ANKRD30B: variants seen among roughly 807,000 people sequenced by gnomAD.
The protein encoded by ANKRD30B is ankyrin repeat domain 30B, also known as ankyrin repeat domain-containing protein 30B.
Under a neutral mutation model 202.2 loss-of-function variants are expected in ANKRD30B, and 144 were observed. The observed-to-expected ratio is 0.71, with a 90% CI of 0.62 to 0.82. ANKRD30B has a LOEUF of 0.82. Ranked by LOEUF, ANKRD30B falls within the 40% of genes least tolerant of loss-of-function variation. The pLI, the probability that ANKRD30B is intolerant of heterozygous loss-of-function variation, is 0.00. For missense variants in ANKRD30B, 1,487 were observed against 1,669.1 expected (o/e 0.89, Z 1.90); for synonymous variants, 508 against 561.3 (o/e 0.91, Z 1.34).
At chr18:14,805,928 T>G (rs1969481404) in intron 24 of ANKRD30B, among the ~76,000 whole-genome samples, 1 of 150,436 alleles carries the variant, frequency 6.6e-6, no homozygotes, top group South Asian at 2.1e-4. Flanking sequence ...TTCATTTATT[T>G]AAAGATTTCA....
chr18:14,780,043 A>T, intron 11 of ANKRD30B, 22 bp downstream of exon 11: 1 of 1,568,530 alleles, frequency 6.4e-7, no homozygotes, highest in Non-Finnish European at 8.7e-7. Context: ...TATTGCTGTT[A>T]TTATTCTCTA....
At chr18:14,917,568 G>A in the ANKRD30B span, among the ~76,000 whole-genome samples, 1 of 152,180 alleles carries the variant, frequency 6.6e-6, no homozygotes, top group Non-Finnish European at 1.5e-5. Flanking sequence ...TAAATCAGGT[G>A]GGGGAGAAAA....
chr18:14,816,417 A>G (rs1970106702), intron 30 of ANKRD30B: 1 of 152,092 alleles, frequency 6.6e-6, no homozygotes, highest in South Asian at 2.1e-4. Context: ...AGGCAGAGGC[A>G]TGCGGATCAC....
intron 30 of ANKRD30B, among the ~76,000 whole-genome samples, chr18:14,820,442 G>A (rs1007987562): frequency 1.4e-4 from 21 of 152,158 alleles, no homozygotes; most frequent in African/African-American, 4.8e-4. Context: ...TATTGTGCCA[G>A]TTTTCAAAGG....
intron 28 of ANKRD30B, among the ~76,000 whole-genome samples, chr18:14,811,401 C>T (rs1969914612): frequency 6.6e-6 from 1 of 150,826 alleles, no homozygotes; most frequent in Non-Finnish European, 1.5e-5. Context: ...TTAGTAGAAA[C>T]GGGGTTTCAC....
rs539148380 is a variant in ANKRD30B, at chr18:14,759,574, C to T, written c.756-980C>T. ...TTCCACAGCAGCTGGAAATGAACAT[C>T]GTGACTTAAGCATCATTCTAACAAA... is the stretch of plus-strand genomic sequence containing the variant. On this transcript the variant is annotated intron_variant, in intron 5 of 43. Coordinates refer to ENST00000690538, the MANE Select transcript of ANKRD30B (RefSeq NM_001367607.2). Among the ~76,000 whole-genome samples the T allele has an allele frequency of 2.4e-4, 37 of 152,228 alleles. No homozygotes were observed. The East Asian group carries it at 3.7e-3, about 15-fold the overall frequency.
At chr18:14,875,209 T>G in the ANKRD30B span, among the ~76,000 whole-genome samples, 1 of 152,140 alleles carries the variant, frequency 6.6e-6, no homozygotes, top group Non-Finnish European at 1.5e-5. Context: ...CAAGCAGAGC[T>G]AAGCGATTTT....
At chr18:14,882,989 CA>C in the ANKRD30B span, among the ~76,000 whole-genome samples, 1 of 152,176 alleles carries the variant, frequency 6.6e-6, no homozygotes, top group African/African-American at 2.4e-5. Context: ...CATTCTGATG[CA>C]AAAACAATTG....
At chr18:14,895,486 T>C in the ANKRD30B span, among the ~76,000 whole-genome samples, 1 of 152,200 alleles carries the variant, frequency 6.6e-6, no homozygotes, top group South Asian at 2.1e-4. Flanking sequence ...TCTTAAAAAC[T>C]GAATATGCTA....
chr18:14,755,373 C>T (rs1216679706), intron 4 of ANKRD30B, among the ~76,000 whole-genome samples: 1 of 149,934 alleles, frequency 6.7e-6, no homozygotes, highest in South Asian at 2.1e-4. Flanking sequence ...TCTAACTTCT[C>T]TTTTTTATAC....
chr18:14,749,260 A>G (rs1913014790), intron 1 of ANKRD30B, among the ~76,000 whole-genome samples: 1 of 152,244 alleles, frequency 6.6e-6, no homozygotes, highest in Non-Finnish European at 1.5e-5. Flanking sequence ...AAATAAAGCT[A>G]TTAACGTTTT....
At chr18:14,926,800 G>A in the ANKRD30B span, among the ~76,000 whole-genome samples, 1 of 152,078 alleles carries the variant, frequency 6.6e-6, no homozygotes, top group Non-Finnish European at 1.5e-5. Context: ...AGTGGCGCGA[G>A]CCTATAGTCT....
chr18:14,848,929 G>A lies in ANKRD30B; in HGVS notation c.3395G>A (p.Arg1132Lys), dbSNP rs1208065054. The A allele has an allele frequency of 2.6e-6, 4 of 1,538,082 alleles. No homozygotes were observed. The highest frequency in any genetic ancestry group is 3.5e-6 in the Non-Finnish European group (4 of 1,149,480). Reference protein sequence around the residue: ...AKWEQELCSVRLTLNQEEEKR... With the variant: ...AKWEQELCSVKLTLNQEEEKR... ...TGGGAACAAGAGCTCTGCAGTGTGA[G>A]GTATGACATCCTAGTTTTAAATAAA... is the stretch of plus-strand genomic sequence containing the variant. The change falls in exon 40 of 44, where the codon AGA becomes AAA. Residue 1132 changes from arginine (R) to lysine (K), a missense_variant and splice_region_variant. Arg to Lys is a conservative substitution (Grantham distance 26, BLOSUM62 2). Around this residue, in one of 6 missense-constraint regions of ANKRD30B, gnomAD observed 177 missense variants for 216.4 expected, o/e 0.82. Coordinates refer to ENST00000690538, the MANE Select transcript of ANKRD30B (RefSeq NM_001367607.2).
Position 14,780,008 on chromosome 18 carries a change from C to A in ANKRD30B, c.1469C>A (p.Ser490Tyr). Reference sequence around the variant, plus strand: ...AAACGAGAGGAAGATGAAGAATATTCTTGGGATTCTGGGGTATTGTGTATT... The same window carrying A: ...AAACGAGAGGAAGATGAAGAATATTATTGGGATTCTGGGGTATTGTGTATT... The part of the protein sequence containing the change: ...ESKREEDEEY[S>Y]WDSGSLFESS... The change falls in exon 11 of 44, where the codon TCT (serine) becomes TAT (tyrosine). Residue 490 changes from serine to tyrosine, a missense_variant. Physicochemically the swap from Ser to Tyr is moderately radical, Grantham distance 144. This residue lies in a region of ANKRD30B where 889 missense variants were observed against 841.4 expected (regional missense o/e 1.06). Coordinates refer to ENST00000690538, the MANE Select transcript of ANKRD30B (RefSeq NM_001367607.2). 1 of 1,605,012 alleles carries A rather than the reference C, an allele frequency of 6.2e-7. No homozygotes were observed.
chr18:14,913,374 G>A, the ANKRD30B span, among the ~76,000 whole-genome samples: 1 of 152,192 alleles, frequency 6.6e-6, no homozygotes, highest in African/African-American at 2.4e-5. Context: ...AAGGAGGCTG[G>A]TTTGGGGAGA....
intron 26 of ANKRD30B, among the ~76,000 whole-genome samples, chr18:14,808,992 TG>T (rs1235596736): frequency 6.6e-6 from 1 of 150,872 alleles, no homozygotes; most frequent in Non-Finnish European, 1.5e-5. Flanking sequence ...AATGGGGCCT[TG>T]TCTTTGTTCC....
chr18:14,823,700 ATGGTGG>A (rs1970550709), intron 32 of ANKRD30B, among the ~76,000 whole-genome samples: 3 of 152,252 alleles, frequency 2.0e-5, no homozygotes, highest in Admixed American at 2.0e-4. Context: ...CAGGCTGTGC[ATGGTGG>A]CACATGCCTG....
chr18:14,796,552 G>C, intron 18 of ANKRD30B, 137 bp downstream of exon 18: 1 of 1,166,220 alleles, frequency 8.6e-7, no homozygotes. Context: ...GCCAATGTTA[G>C]CATTTATGTT....
At chr18:14,808,180 A>G (rs1355356164) in intron 24 of ANKRD30B, among the ~76,000 whole-genome samples, 1 of 150,406 alleles carries the variant, frequency 6.6e-6, no homozygotes, top group East Asian at 1.9e-4. Flanking sequence ...ACCATTACCT[A>G]GGACTTATTT....
Sources: gnomAD v4.1 joint callset for allele counts (sites outside exome capture counted in the v4.1 genomes callset) on GRCh38, gnomAD v4.1.1 for gene constraint, gnomAD v4.1.1 regional missense constraint, MANE v1.5 for transcripts, NCBI Gene and HGNC (gene_info 2026-07-23, HGNC 2026-07-21) for gene names.